The following ROR2 variants were observed in gnomAD, a reference collection of about 807,000 sequenced individuals.
ROR2 encodes the protein tyrosine-protein kinase transmembrane receptor ROR2.
ROR2 carries 33 observed loss-of-function variants against 74.9 expected under a neutral mutation model. The ratio of observed to expected loss-of-function variants is 0.44; its 90% CI spans 0.33 to 0.59. The LOEUF (loss-of-function observed/expected upper bound fraction) is 0.59, where lower values mean the gene tolerates loss of function less well. ROR2 is among the 20% of genes least tolerant of loss of function. The pLI is 0.02. For synonymous variants in ROR2, 586 were observed against 558.7 expected, an observed-to-expected ratio of 1.05 and a Z score of -0.69; for missense variants, 1,216 against 1,313.8, an observed-to-expected ratio of 0.93 and a Z score of 1.15.
chr9:91,767,300 C>G (rs1444437050), intron 2 of ROR2, among the ~76,000 whole-genome samples: 1 of 152,098 alleles, frequency 6.6e-6, no homozygotes, highest in African/African-American at 2.4e-5. Context: ...GTCTTGATCT[C>G]CTGACCTCGT....
intron 1 of ROR2, among the ~76,000 whole-genome samples, chr9:91,788,542 A>G (rs112992938): frequency 0.018 from 2,173 of 119,970 alleles, 21 homozygotes; most frequent in Non-Finnish European, 0.022. Flanking sequence ...AGTGTTGGGG[A>G]AAAAAAAAAA....
At chr9:91,844,616 C>G (rs1828871293) in intron 1 of ROR2, among the ~76,000 whole-genome samples, 1 of 152,182 alleles carries the variant, frequency 6.6e-6, no homozygotes. Flanking sequence ...GCTGAACTTG[C>G]TCAAAGTTGT....
intron 2 of ROR2, among the ~76,000 whole-genome samples, chr9:91,772,231 T>A (rs1413378004): frequency 7.9e-5 from 12 of 152,186 alleles, no homozygotes. Context: ...GCCCCTACCC[T>A]GAGACTTCTG....
chr9:91,858,449 C>T (rs7041908), intron 1 of ROR2, among the ~76,000 whole-genome samples: 17,751 of 152,156 alleles, frequency 0.12, 2,261 homozygotes, highest in African/African-American at 0.32. Context: ...CCCCACAGAG[C>T]AGTGGTTCTC....
At chr9:91,841,732 C>T (rs1828788168) in intron 1 of ROR2, among the ~76,000 whole-genome samples, 1 of 152,212 alleles carries the variant, frequency 6.6e-6, no homozygotes, top group Non-Finnish European at 1.5e-5. Flanking sequence ...CAGGGGACTC[C>T]TTCAATCTTC....
chr9:91,737,656 A>G, intron 4 of ROR2, 138 bp from the exon 5 acceptor site: 1 of 1,164,528 alleles, frequency 8.6e-7, no homozygotes, highest in South Asian at 1.3e-5. Flanking sequence ...AATAAGTAGA[A>G]CACATAAGTC....
intron 1 of ROR2, among the ~76,000 whole-genome samples, chr9:91,810,375 C>T (rs984373463): frequency 1.3e-5 from 2 of 152,144 alleles, no homozygotes; most frequent in Non-Finnish European, 2.9e-5. Flanking sequence ...TTCCCAGAGG[C>T]GAGTTTCAGG....
intron 4 of ROR2, among the ~76,000 whole-genome samples, chr9:91,743,130 C>A (rs144796621): frequency 6.6e-6 from 1 of 152,268 alleles, no homozygotes; most frequent in East Asian, 1.9e-4. Flanking sequence ...TCCACTGTTA[C>A]ATGATGCATG....
chr9:91,938,909 G>A (rs1831774184), intron 1 of ROR2, among the ~76,000 whole-genome samples: 1 of 152,232 alleles, frequency 6.6e-6, no homozygotes, highest in South Asian at 2.1e-4. Context: ...TGCCAAGGAA[G>A]AGCATGAGTA....
At chr9:91,909,513 AT>A (rs36122642) in intron 1 of ROR2, among the ~76,000 whole-genome samples, 37,221 of 136,142 alleles carry the variant, frequency 0.27, 4,854 homozygotes, top group Admixed American at 0.43. Flanking sequence ...CATCCAACTA[AT>A]TTTTTTTTTT....
chr9:91,931,845 T>C lies in ROR2; in HGVS notation c.97+18022A>G, dbSNP rs556804097. Among the ~76,000 whole-genome samples, 6 of 152,332 alleles carry C rather than the reference T, an allele frequency of 3.9e-5. No homozygotes were observed. The South Asian group carries it at 1.2e-3, about 32-fold the overall frequency. On this transcript the variant is annotated intron_variant, in intron 1 of 8. Transcript: ENST00000375708. The stretch of plus-strand genomic sequence containing the variant: ...AGCTAAAGCTACACTCATGGGACAA[T>C]TTATAGCCTTAAGAACTTGCCTTAC...
chr9:91,803,741 G>A (rs920427674), intron 1 of ROR2, among the ~76,000 whole-genome samples: 13 of 152,100 alleles, frequency 8.5e-5, no homozygotes, highest in Non-Finnish European at 2.9e-5. Context: ...ACAGCCCTAC[G>A]TGGGCGTACA....
intron 1 of ROR2, among the ~76,000 whole-genome samples, chr9:91,872,583 C>A (rs1829828696): frequency 6.6e-6 from 1 of 152,192 alleles, no homozygotes. Flanking sequence ...TACCTTGGGG[C>A]TGGTGTGTTT....
chr9:91,917,385 G>A (rs1457534754), intron 1 of ROR2, among the ~76,000 whole-genome samples: 5 of 152,196 alleles, frequency 3.3e-5, no homozygotes, highest in African/African-American at 9.7e-5. Flanking sequence ...TGGAGTTCAT[G>A]GGGAAGTACG....
intron 1 of ROR2, among the ~76,000 whole-genome samples, chr9:91,805,232 C>G (rs1827508890): frequency 6.6e-6 from 1 of 152,350 alleles, no homozygotes; most frequent in South Asian, 2.1e-4. Flanking sequence ...CGGCCTGGGA[C>G]AGTCACATGG....
chr9:91,946,652 T>G (rs575013031), intron 1 of ROR2, among the ~76,000 whole-genome samples: 1 of 152,354 alleles, frequency 6.6e-6, no homozygotes, highest in South Asian at 2.1e-4. Context: ...ATTAGAACTC[T>G]CCAAGGGAAA....
intron 1 of ROR2, among the ~76,000 whole-genome samples, chr9:91,782,278 T>C (rs1826643896): frequency 6.6e-6 from 1 of 152,226 alleles, no homozygotes; most frequent in Non-Finnish European, 1.5e-5. Flanking sequence ...GTTTATTGTA[T>C]CTTTTCATCT....
chr9:91,939,207 G>A (rs1481255367), intron 1 of ROR2, among the ~76,000 whole-genome samples: 3 of 151,676 alleles, frequency 2.0e-5, no homozygotes, highest in East Asian at 3.9e-4. Context: ...CCAAGATTGC[G>A]CCACTGCACT....
chr9:91,723,903 C>A lies in ROR2; in HGVS notation c.2591G>T (p.Ser864Ile), dbSNP rs1286814998. 6.2e-7 allele frequency: 1 copy of A among 1,613,876 alleles called. No homozygotes were observed. Among genetic ancestry groups the A allele is most frequent in the Non-Finnish European group, 8.5e-7 (1 of 1,180,042 alleles). ...QMVPKPSSHH[S>I]GSGSTSTGYV... ...GCCTGTGCTGGTGGAGCCACTGCCACTGTGGTGTGAGCTGGGCTTGGGGAC... is the reference window on the plus strand; with the variant it reads ...GCCTGTGCTGGTGGAGCCACTGCCAATGTGGTGTGAGCTGGGCTTGGGGAC... Residue 864 changes from serine to isoleucine, a missense_variant, in exon 9 of 9, where the codon AGT becomes ATT. By Grantham distance (142) the Ser-to-Ile change is moderately radical. Transcript: ENST00000375708.
Sources: gnomAD v4.1 joint callset for allele counts (sites outside exome capture counted in the v4.1 genomes callset) on GRCh38, gnomAD v4.1.1 for gene constraint, MANE v1.5 for transcripts, NCBI Gene and HGNC (gene_info 2026-07-23, HGNC 2026-07-21) for gene names.